ROBO2: variants seen among roughly 807,000 people sequenced by gnomAD.
The protein encoded by ROBO2 is roundabout guidance receptor 2, also known as roundabout homolog 2.
A neutral mutation model predicts 160.8 loss-of-function variants in ROBO2; 53 were observed. The observed-to-expected ratio is 0.33, with a 90% CI of 0.26 to 0.41. ROBO2 has a LOEUF of 0.41. Among genes scored for constraint, ROBO2 ranks in the 10% least tolerant of loss-of-function variants. ROBO2 has a pLI of 1.00. For synonymous variants in ROBO2, 664 were observed against 611.7 expected, an observed-to-expected ratio of 1.09 and a Z score of -1.26; for missense variants, 1,577 against 1,722.4, an observed-to-expected ratio of 0.92 and a Z score of 1.49.
intron 2 of ROBO2, among the ~76,000 whole-genome samples, chr3:77,018,288 T>TTGGCCAGA (rs1463296309): frequency 2.6e-5 from 4 of 152,020 alleles, no homozygotes; most frequent in Non-Finnish European, 5.9e-5. Context: ...TTTCACTATG[T>TTGGCCAGA]TGGCCAGACT....
chr3:77,178,693 A>G (rs922894956), intron 2 of ROBO2, among the ~76,000 whole-genome samples: 4 of 152,098 alleles, frequency 2.6e-5, no homozygotes, highest in Non-Finnish European at 4.4e-5. Context: ...TGCCATGTAC[A>G]TATTTTAAAA....
At chr3:77,612,398 C>T (rs896824271) in intron 21 of ROBO2, among the ~76,000 whole-genome samples, 10 of 152,152 alleles carry the variant, frequency 6.6e-5, no homozygotes, top group South Asian at 2.1e-4. Context: ...TGGATTAAGA[C>T]GTGAACACCA....
intron 2 of ROBO2, among the ~76,000 whole-genome samples, chr3:77,200,054 T>C (rs1470076317): frequency 1.3e-5 from 2 of 151,100 alleles, no homozygotes; most frequent in Non-Finnish European, 1.5e-5. Flanking sequence ...TTTATATAAA[T>C]TTAAAAATTA....
intron 2 of ROBO2, among the ~76,000 whole-genome samples, chr3:77,241,240 A>G (rs543585527): frequency 1.5e-3 from 228 of 152,366 alleles, no homozygotes; most frequent in Non-Finnish European, 1.7e-3. Flanking sequence ...CAAAAGCTGC[A>G]TGACAGGAAT....
At chr3:76,967,036 G>T (rs559942306) in intron 2 of ROBO2, among the ~76,000 whole-genome samples, 1 of 152,022 alleles carries the variant, frequency 6.6e-6, no homozygotes, top group Admixed American at 6.6e-5. Flanking sequence ...CAGAGAGTTC[G>T]CTGGGCATAT....
chr3:76,138,498 G>A (rs924678912), intron 2 of ROBO2, among the ~76,000 whole-genome samples: 1 of 152,056 alleles, frequency 6.6e-6, no homozygotes, highest in African/African-American at 2.4e-5. Context: ...GGAACTTGAT[G>A]TGTGGAACAG....
chr3:76,917,991 G>A (rs1485964592), intron 2 of ROBO2, among the ~76,000 whole-genome samples: 1 of 152,058 alleles, frequency 6.6e-6, no homozygotes, highest in East Asian at 1.9e-4. Flanking sequence ...AACATACAAG[G>A]CAGAGATACG....
chr3:75,929,701 C>T (rs554943501), intron 1 of ROBO2, among the ~76,000 whole-genome samples: 1 of 147,050 alleles, frequency 6.8e-6, no homozygotes, highest in African/African-American at 2.5e-5. Flanking sequence ...GCACTCTTGT[C>T]TTTTTTTTTT....
At chr3:77,381,585 G>A (rs2073475737) in intron 2 of ROBO2, among the ~76,000 whole-genome samples, 1 of 152,110 alleles carries the variant, frequency 6.6e-6, no homozygotes, top group African/African-American at 2.4e-5. Flanking sequence ...GCATCTTCCT[G>A]ACATTTGCAG....
In ROBO2 at chr3:76,762,821, T is replaced by C. The variant is rs547779063; in HGVS notation, c.110-335193T>C. ...ACTGAGGAAAAAGAGATGCAGAATA[T>C]GGTTACTGGTTCCCAGGGTTACCTA... On this transcript the variant is annotated intron_variant, in intron 2 of 26. Coordinates refer to the ROBO2 transcript ENST00000487694. 5.8e-4 allele frequency among the ~76,000 whole-genome samples: 88 copies of C among 151,828 alleles called. 1 individual carries two copies. Among genetic ancestry groups the C allele is most frequent in the African/African-American group, 2.1e-3 (86 of 41,530 alleles).
chr3:77,620,169 TG>T (rs1393801752), intron 22 of ROBO2, among the ~76,000 whole-genome samples: 1 of 152,194 alleles, frequency 6.6e-6, no homozygotes, highest in Non-Finnish European at 1.5e-5. Flanking sequence ...ACTCCACATC[TG>T]GGAGTTATGA....
At chr3:76,866,798 G>A (rs1252816894) in intron 2 of ROBO2, among the ~76,000 whole-genome samples, 1 of 152,128 alleles carries the variant, frequency 6.6e-6, no homozygotes, top group African/African-American at 2.4e-5. Flanking sequence ...TAATCAGGTT[G>A]AATAAGAGAA....
intron 2 of ROBO2, among the ~76,000 whole-genome samples, chr3:77,225,870 C>G (rs185198529): frequency 6.6e-6 from 1 of 151,882 alleles, no homozygotes; most frequent in African/African-American, 2.4e-5. Flanking sequence ...TGACTTCCTG[C>G]TATGGAGATT....
At chr3:76,647,952 G>T (rs984505784) in intron 2 of ROBO2, among the ~76,000 whole-genome samples, 2 of 152,168 alleles carry the variant, frequency 1.3e-5, no homozygotes, top group Non-Finnish European at 2.9e-5. Context: ...ACGAAAGACA[G>T]CCTTGGGTTA....
chr3:76,516,982 G>A (rs2107821396), intron 2 of ROBO2, among the ~76,000 whole-genome samples: 1 of 152,298 alleles, frequency 6.6e-6, no homozygotes, highest in East Asian at 1.9e-4. Flanking sequence ...AAAGAATGGA[G>A]ATGAGAAATA....
At chr3:76,337,295 A>G (rs545587478) in intron 2 of ROBO2, among the ~76,000 whole-genome samples, 2 of 152,332 alleles carry the variant, frequency 1.3e-5, no homozygotes, top group African/African-American at 2.4e-5. Flanking sequence ...ACTAGAAAAT[A>G]CTAAAAACTC....
chr3:77,096,323 G>T (rs1387847452), intron 1 of ROBO2, among the ~76,000 whole-genome samples: 1 of 151,984 alleles, frequency 6.6e-6, no homozygotes, highest in Non-Finnish European at 1.5e-5. Context: ...GCAGCTGGTA[G>T]AACATTTTCA....
chr3:76,061,106 C>G (rs2068056486), intron 2 of ROBO2, among the ~76,000 whole-genome samples: 1 of 152,042 alleles, frequency 6.6e-6, no homozygotes, highest in Non-Finnish European at 1.5e-5. Flanking sequence ...ATAAAGATTG[C>G]AAAAAATCAA....
At chr3:76,805,644 C>A (rs1379714599) in intron 2 of ROBO2, among the ~76,000 whole-genome samples, 1 of 148,250 alleles carries the variant, frequency 6.7e-6, no homozygotes, top group Non-Finnish European at 1.5e-5. Context: ...TTTTTTTGTT[C>A]ATGAGCCTCT....
Sources: gnomAD v4.1 joint callset for allele counts (sites outside exome capture counted in the v4.1 genomes callset) on GRCh38, gnomAD v4.1.1 for gene constraint, MANE v1.5 for transcripts, NCBI Gene and HGNC (gene_info 2026-07-23, HGNC 2026-07-21) for gene names.